The following DNMT3A variants were observed in gnomAD, a reference collection of about 807,000 sequenced individuals.
DNMT3A encodes the protein DNA methyltransferase 3 alpha.
Under a neutral mutation model 117.6 loss-of-function variants are expected in DNMT3A, and 267 were observed. The ratio of observed to expected loss-of-function variants is 2.27; its 90% confidence interval spans 2.05 to 2.51. The LOEUF (loss-of-function observed/expected upper bound fraction) is 2.51. Among genes scored for constraint, DNMT3A ranks in the 30% most tolerant of loss-of-function variants. DNMT3A has a pLI of 0.00. For synonymous variants in DNMT3A, 432 were observed against 474.8 expected (o/e 0.91, Z 1.17); for missense variants, 1,029 against 1,260.2 (o/e 0.82, Z 2.78).
At chr2:25,309,674 C>T (rs2033993606) in intron 2 of DNMT3A, among the ~76,000 whole-genome samples, 1 of 152,234 alleles carries the variant, frequency 6.6e-6, no homozygotes, top group African/African-American at 2.4e-5. Flanking sequence ...AGGCAAGTGA[C>T]TTAACCTCTC....
chr2:25,255,020 C>T (rs1675996611), intron 6 of DNMT3A, among the ~76,000 whole-genome samples: 1 of 152,306 alleles, frequency 6.6e-6, no homozygotes, highest in African/African-American at 2.4e-5. Context: ...ACACAACTTC[C>T]CAACAAGCAA....
chr2:25,249,719 G>A, intron 6 of DNMT3A: 2 of 1,614,104 alleles, frequency 1.2e-6, no homozygotes, highest in Non-Finnish European at 1.7e-6. Context: ...ACCCGCTCCA[G>A]GATCCCTACA....
At chr2:25,329,312 G>A (rs538625302) in intron 1 of DNMT3A, among the ~76,000 whole-genome samples, 7 of 152,294 alleles carry the variant, frequency 4.6e-5, no homozygotes, top group African/African-American at 1.7e-4. Flanking sequence ...AAAGCGGGGT[G>A]AGAAAGAGTC....
chr2:25,284,349 A>T (rs74875933), intron 3 of DNMT3A, among the ~76,000 whole-genome samples: 3,390 of 152,178 alleles, frequency 0.022, 150 homozygotes, highest in African/African-American at 0.075. Flanking sequence ...CATATATCAT[A>T]AAAAAATCAA....
At chr2:25,235,437 G>A (rs1404275369) in intron 22 of DNMT3A, among the ~76,000 whole-genome samples, 2 of 152,148 alleles carry the variant, frequency 1.3e-5, no homozygotes, top group South Asian at 2.1e-4. Context: ...CACCCGCCTC[G>A]GCCTCCCAAA....
At chr2:25,283,139 A>C (rs1005941890) in intron 3 of DNMT3A, among the ~76,000 whole-genome samples, 2 of 152,024 alleles carry the variant, frequency 1.3e-5, no homozygotes, top group African/African-American at 4.8e-5. Flanking sequence ...GAGGCAGGTG[A>C]ATCACTTGAG....
At position 25,281,873 on chromosome 2, in the gene DNMT3A, G is replaced by A; in HGVS notation, c.448+568C>T. 9.3e-7 allele frequency: 1 copy of A among 1,070,488 alleles called. No individual in the cohort carries two copies. Among genetic ancestry groups the A allele is most frequent in the Non-Finnish European group, 1.1e-6 (1 of 882,390 alleles). The allele number at this position is 1,070,488 out of a possible 1,614,324, so 66.3% of individuals were successfully genotyped here. A position where few individuals can be genotyped will look rare whatever the true frequency, so the allele number is the denominator to read the frequency against. On this transcript the variant is annotated intron_variant, in intron 4 of 22. Coordinates refer to ENST00000321117, the MANE Select transcript of DNMT3A (RefSeq NM_022552.5). This position sits in a 1 kb window ranked among gnomAD's most constrained non-coding sequence, Gnocchi z 4.8. Reference sequence around the variant, plus strand: ...CACCCAGCCCTCTCCCCACGCCACTGTCACAACCAAATTTCCAGTTGAGTC... The same window carrying A: ...CACCCAGCCCTCTCCCCACGCCACTATCACAACCAAATTTCCAGTTGAGTC...
intron 3 of DNMT3A, among the ~76,000 whole-genome samples, chr2:25,290,633 T>C (rs1379005936): frequency 2.6e-5 from 4 of 152,236 alleles, no homozygotes; most frequent in African/African-American, 9.6e-5. Flanking sequence ...GAAGTGGTTT[T>C]TAAGTGTTGC....
chr2:25,339,781 C>A lies in DNMT3A; in HGVS notation c.-178+2045G>T, dbSNP rs528700982. Among the ~76,000 whole-genome samples, 5 of 152,320 alleles carry A rather than the reference C, an allele frequency of 3.3e-5. No homozygotes were observed. In the South Asian group the frequency reaches 1.0e-3, roughly 32 times the overall value. ...CTGCTAGCCAACCAAAGAGGGTCCC[C>A]GGGATGCCTGGCCCCCCAAATCCCA... On this transcript the variant is annotated intron_variant, in intron 1 of 22. Transcript: ENST00000321117. The surrounding 1 kb of genome is among the most constrained non-coding windows in gnomAD (Gnocchi z 4.9).
chr2:25,271,012 G>A (rs1297819689), intron 6 of DNMT3A, among the ~76,000 whole-genome samples: 2 of 151,698 alleles, frequency 1.3e-5, no homozygotes, highest in African/African-American at 4.8e-5. Flanking sequence ...CAACAAGTGC[G>A]AAACTCCGTC....
chr2:25,239,143 G>T lies in DNMT3A; in HGVS notation c.2395C>A (p.Pro799Thr), dbSNP rs766564570. The change falls in exon 20 of 23, where the codon CCC becomes ACC. Residue 799 changes from proline (P) to threonine (T), a missense_variant. Physicochemically the swap from Pro to Thr is conservative, Grantham distance 38. Transcript: ENST00000321117. The part of the protein sequence containing the change: ...HRARYFWGNL[P>T]GMNRPLASTV... Reference sequence around the variant, plus strand: ...GCTTTCACCAACCTGTTCATACCGGGAAGGTTACCCCAGAAGTAGCGGGCC... The same window carrying T: ...GCTTTCACCAACCTGTTCATACCGGTAAGGTTACCCCAGAAGTAGCGGGCC... The T allele has an allele frequency of 1.9e-6, 3 of 1,613,868 alleles. No homozygotes were observed. The highest frequency in any genetic ancestry group is 2.5e-6 in the Non-Finnish European group (3 of 1,179,920).
chr2:25,300,581 A>C (rs943998114), intron 2 of DNMT3A, among the ~76,000 whole-genome samples: 1 of 139,736 alleles, frequency 7.2e-6, no homozygotes, highest in Non-Finnish European at 1.5e-5. Context: ...ATCTCTATAA[A>C]AATACCCACA....
chr2:25,246,293 G>GT lies in DNMT3A; in HGVS notation c.1295dup (p.Tyr432Ter). The GT allele has an allele frequency of 6.2e-7, 1 of 1,609,642 alleles. No homozygotes were observed. Among genetic ancestry groups the GT allele is most frequent in the Non-Finnish European group, 8.5e-7 (1 of 1,177,746 alleles). The change falls in exon 11 of 23, where the codon TAC (tyrosine) becomes TAAC (stop). Residue 432 changes from tyrosine (Y) to a stop codon, truncating the protein, a stop_gained and frameshift_variant. Transcript: ENST00000321117. LOFTEE classifies it high-confidence loss of function. ...CCCACATGTCCGTGTACACTTCTTT[G>GT]TAGGGATTCTTCTCTTCTGGAGGAG... Reference protein sequence around the residue: ...LEPPEEEKNPYKEVYTDMWVE... With the variant: ...LEPPEEEKNP
chr2:25,331,895 G>A (rs1230166108), intron 1 of DNMT3A, among the ~76,000 whole-genome samples: 7 of 138,734 alleles, frequency 5.0e-5, no homozygotes, highest in South Asian at 5.2e-4. Flanking sequence ...TGCTCTCTCC[G>A]ACTCCCCCCA....
rs1672807966 is a variant in DNMT3A, at chr2:25,230,050, C to G, written c.*4229G>C. 6.6e-6 allele frequency: 1 copy of G among 152,322 alleles called. No homozygotes were observed. Among genetic ancestry groups the G allele is most frequent in the Middle Eastern group, 3.1e-3 (1 of 318 alleles). The allele number at this position is 152,322 out of a possible 1,614,324, so 9.4% of individuals were successfully genotyped here. On this transcript the variant is annotated 3_prime_UTR_variant, in exon 23 of 23. Transcript: ENST00000321117. The stretch of plus-strand genomic sequence containing the variant: ...CTCCTGCAATGCGCCAAAAATCACA[C>G]AGGCATCTCTACCAGTCAATCACAC...
In DNMT3A at chr2:25,308,306, C is replaced by G. The variant is rs184556351; in HGVS notation, c.72+5607G>C. Among the ~76,000 whole-genome samples the G allele has an allele frequency of 7.5e-4, 114 of 152,314 alleles. 1 individual carries two copies. Among genetic ancestry groups the G allele is most frequent in the Middle Eastern group, 3.4e-3 (1 of 294 alleles). ...ATCTCGTCTGAACCTCTCAAGCCAA[C>G]TAGGAGCTGTTTTCCTGCTCACAGC... On this transcript the variant is annotated intron_variant, in intron 2 of 22. Transcript: ENST00000321117.
intron 6 of DNMT3A, among the ~76,000 whole-genome samples, chr2:25,260,864 C>T (rs1489958006): frequency 2.6e-5 from 4 of 152,008 alleles, no homozygotes; most frequent in Admixed American, 6.5e-5. Flanking sequence ...CATGGTGGCA[C>T]GTGCCTGTAA....
intron 14 of DNMT3A, 57 bp from the exon 15 acceptor site, chr2:25,244,395 G>A: frequency 1.3e-6 from 2 of 1,569,508 alleles, no homozygotes; most frequent in South Asian, 1.1e-5. Flanking sequence ...GGGAGGCCAA[G>A]GTGTGCTACC....
In DNMT3A at chr2:25,275,033, G is replaced by A. The variant is rs1311728146; in HGVS notation, c.547C>T (p.Arg183Trp). The change falls in exon 6 of 23, where the codon CGG becomes TGG. Residue 183 changes from arginine (R) to tryptophan (W), a missense_variant. Transcript: ENST00000321117. The part of the protein sequence containing the change: ...GLGWESSLRQ[R>W]PMPRLTFQAG... ...TGGAAGGTGAGCCTCGGCATGGGCCGCTGACGGAGGCTGGACTCCCAGCCC... is the reference window on the plus strand; with the variant it reads ...TGGAAGGTGAGCCTCGGCATGGGCCACTGACGGAGGCTGGACTCCCAGCCC... 1.9e-6 allele frequency: 3 copies of A among 1,606,390 alleles called. No homozygotes were observed. Among genetic ancestry groups the A allele is most frequent in the South Asian group, 1.1e-5 (1 of 89,820 alleles).
Sources: gnomAD v4.1 joint callset for allele counts (sites outside exome capture counted in the v4.1 genomes callset) on GRCh38, gnomAD v4.1.1 for gene constraint, Gnocchi (gnomAD v3.1) non-coding constraint, MANE v1.5 for transcripts, NCBI Gene and HGNC (gene_info 2026-07-23, HGNC 2026-07-21) for gene names.